RPAP1: variants seen among roughly 807,000 people sequenced by gnomAD.
The protein encoded by RPAP1 is RNA polymerase II-associated protein 1.
Under a neutral mutation model 142.4 loss-of-function variants are expected in RPAP1, and 109 were observed. The ratio of observed to expected loss-of-function variants is 0.77; its 90% CI spans 0.66 to 0.90. The LOEUF (loss-of-function observed/expected upper bound fraction) is 0.90, where lower values mean the gene tolerates loss of function less well. Ranked by LOEUF, RPAP1 falls within the 40% of genes least tolerant of loss-of-function variation. The probability of loss-of-function intolerance (pLI) is 0.00; values close to 1 mark genes in which losing one functional copy is unlikely to be tolerated. For missense variants in RPAP1, 1,546 were observed against 1,751.7 expected (o/e 0.88, Z 2.10); for synonymous variants, 704 against 738.9 (o/e 0.95, Z 0.77).
In RPAP1 at chr15:41,525,005, G is replaced by A. The variant is rs919593631; in HGVS notation, c.2061C>T (p.Gly687=). The A allele has an allele frequency of 9.9e-6, 16 of 1,613,382 alleles. No homozygotes were observed. Among genetic ancestry groups the A allele is most frequent in the South Asian group, 5.5e-5 (5 of 91,076 alleles). ...LWAVAASYGQ[G]GYLYRELYPV... The stretch of plus-strand genomic sequence containing the variant: ...CCTCTCCTCACCTGTAAAGGTAACC[G>A]CCCTGGCCATAGGAGGCAGCCACAG... The change falls in exon 15 of 25, where the codon GGC becomes GGT. Residue 687 remains glycine, a synonymous_variant. Transcript: ENST00000304330.
chr15:41,517,913 G>T, intron 23 of RPAP1, 56 bp from the exon 24 acceptor site: 1 of 1,612,858 alleles, frequency 6.2e-7, no homozygotes, highest in Non-Finnish European at 8.5e-7. Flanking sequence ...CCCACCACTG[G>T]CCTTGCTTGA....
intron 19 of RPAP1, 86 bp downstream of exon 19, chr15:41,522,679 C>A: frequency 9.5e-7 from 1 of 1,055,422 alleles, no homozygotes. Flanking sequence ...CGTGAGCCAC[C>A]GCGCCCATCC....
rs951688494 is a variant in RPAP1, at chr15:41,544,219, G to C, written c.-77C>G. 5 of 152,190 alleles carry C rather than the reference G, an allele frequency of 3.3e-5. No homozygotes were observed. The highest frequency in any genetic ancestry group is 9.7e-5 in the African/African-American group (4 of 41,390). 9.4% of individuals were successfully genotyped at this position (152,190 alleles called of 1,614,324 possible). A position where few individuals can be genotyped will look rare whatever the true frequency, so the allele number is the denominator to read the frequency against. On this transcript the variant is annotated splice_region_variant and 5_prime_UTR_variant, in exon 1 of 25. Transcript: ENST00000304330. ...CCGTCCCTCCAGCCCCGCCACCTACGTGCTCCAGGCCTGTCTGGGCGCCGC... is the reference window on the plus strand; with the variant it reads ...CCGTCCCTCCAGCCCCGCCACCTACCTGCTCCAGGCCTGTCTGGGCGCCGC...
At position 41,524,981 on chromosome 15, in the gene RPAP1, C is replaced by T. The variant is rs376296171; in HGVS notation, c.2075+10G>A. On this transcript the variant is annotated intron_variant, in intron 15 of 24. Coordinates refer to ENST00000304330, the MANE Select transcript of RPAP1 (RefSeq NM_015540.4). ...TGTCTAGGGGGAGCCTACCCCCTGCCTCTCCTCACCTGTAAAGGTAACCGC... is the reference window on the plus strand; with the variant it reads ...TGTCTAGGGGGAGCCTACCCCCTGCTTCTCCTCACCTGTAAAGGTAACCGC... 3.9e-5 allele frequency: 63 copies of T among 1,612,274 alleles called. No individual in the cohort carries two copies. The highest frequency in any genetic ancestry group is 1.8e-4 in the Middle Eastern group (1 of 5,488).
intron 1 of RPAP1, among the ~76,000 whole-genome samples, chr15:41,538,441 G>A (rs1478397520): frequency 3.9e-5 from 6 of 152,108 alleles, no homozygotes; most frequent in Admixed American, 1.3e-4. Flanking sequence ...AGGCACTCAA[G>A]CTGCAGAATG....
rs761863793 is a variant in RPAP1, at chr15:41,521,020, G to A, written c.3166C>T (p.Arg1056Cys). 11 of 1,601,526 alleles carry A rather than the reference G, an allele frequency of 6.9e-6. No homozygotes were observed. Among genetic ancestry groups the A allele is most frequent in the Admixed American group, 3.4e-5 (2 of 59,250 alleles). ...GAGCAATGAGTCAGGTAGCAGTTGC[G>A]GATGCTGGGGAGGTCCTGGCAGGCC... ...AQACQDLPSI[R>C]NCYLTHCSPA... Residue 1056 changes from arginine to cysteine, a missense_variant, in exon 22 of 25, where the codon CGC becomes TGC. Arg to Cys is a radical substitution (Grantham distance 180). Around this residue, in one of 3 missense-constraint regions of RPAP1, gnomAD observed 1,333 missense variants for 1,486.6 expected, o/e 0.90. Transcript: ENST00000304330.
chr15:41,537,301 C>A (rs1435387411), intron 1 of RPAP1, 100 bp from the exon 2 acceptor site: 1 of 618,758 alleles, frequency 1.6e-6, no homozygotes, highest in African/African-American at 1.8e-5. Context: ...AACATGAACT[C>A]ATTCCTCCTC....
intron 11 of RPAP1, 75 bp from the exon 12 acceptor site, chr15:41,527,680 C>G: frequency 6.7e-7 from 1 of 1,499,464 alleles, no homozygotes; most frequent in Non-Finnish European, 8.9e-7. Context: ...GAGGATGCTC[C>G]CCAATAAAAA....
chr15:41,535,559 T>A lies in RPAP1; in HGVS notation c.494A>T (p.Lys165Met), dbSNP rs2297382. ...CACAACTTCCCCAACTGATGGGCCC[T>A]TGGCTTCAGCTATCCTCCTTGCCGC... ...EIAARRIAEA[K>M]GPSVGEVVPN... The change falls in exon 5 of 25, where the codon AAG becomes ATG. Residue 165 changes from lysine to methionine, a missense_variant. By Grantham distance (95) the Lys-to-Met change is moderately conservative (BLOSUM62 -1). This residue lies in a region of RPAP1 where 1,333 missense variants were observed against 1,486.6 expected (regional missense o/e 0.90). Transcript: ENST00000304330. The A allele has an allele frequency of 0.076, 122,011 of 1,613,690 alleles. 7,943 individuals carry two copies. The highest frequency in any genetic ancestry group is 0.35 in the African/African-American group (26,535 of 74,912).
intron 8 of RPAP1, 120 bp from the exon 9 acceptor site, chr15:41,529,688 T>C: frequency 1.1e-6 from 1 of 894,640 alleles, no homozygotes; most frequent in Non-Finnish European, 1.8e-6. Flanking sequence ...CTACCAGAAA[T>C]GGGGCTTATC....
chr15:41,527,646 C>T (rs377422809), intron 11 of RPAP1, 41 bp from the exon 12 acceptor site: 4 of 1,572,166 alleles, frequency 2.5e-6, no homozygotes, highest in Non-Finnish European at 3.4e-6. Context: ...GCTGAAGGGG[C>T]CAGGAAATGG....
intron 14 of RPAP1, 21 bp from the exon 15 acceptor site, chr15:41,525,169 A>G (rs2274858): frequency 0.53 from 833,237 of 1,586,806 alleles, 220,586 homozygotes; most frequent in African/African-American, 0.68. Context: ...GCACAGTCTG[A>G]GGATCAGGGT....
At chr15:41,526,224 C>T (rs2051788834) in intron 14 of RPAP1, among the ~76,000 whole-genome samples, 1 of 152,222 alleles carries the variant, frequency 6.6e-6, no homozygotes, top group Admixed American at 6.5e-5. Context: ...GTTGTGATTA[C>T]AGGCGTGAGC....
chr15:41,542,779 C>T (rs1338590882), intron 1 of RPAP1, among the ~76,000 whole-genome samples: 1 of 152,144 alleles, frequency 6.6e-6, no homozygotes, highest in Non-Finnish European at 1.5e-5. Context: ...AACAGAGTCT[C>T]ATACATGAAA....
rs889367552 is a variant in RPAP1, at chr15:41,534,807, CT to C, written c.669del (p.Ala224ProfsTer9). 6.2e-7 allele frequency: 1 copy of C among 1,614,130 alleles called. No homozygotes were observed. On this transcript the variant is annotated frameshift_variant, in exon 6 of 25. Transcript: ENST00000304330. LOFTEE classifies it high-confidence loss of function. The part of the protein sequence containing the change: ...KGLRDQEAEQ[E>X]AQTIHEENIA... ...ATGTTCTCTTCATGGATAGTCTGGGCTTCCTGCTCAGCTTCTTGATCCCTGA... is the reference window on the plus strand; with the variant it reads ...ATGTTCTCTTCATGGATAGTCTGGGCTCCTGCTCAGCTTCTTGATCCCTGA...
In RPAP1 at chr15:41,520,462, C is replaced by A. The variant is rs754509381; in HGVS notation, c.3724G>T (p.Val1242Phe). ...VLLPLQRRFS[V>F]TLRLALFGEH... ...CCAAAGAGGGCAAGGCGCAAGGTGACACTGAACCGACGCTGCAGGGGCAGG... is the reference window on the plus strand; with the variant it reads ...CCAAAGAGGGCAAGGCGCAAGGTGAAACTGAACCGACGCTGCAGGGGCAGG... The change falls in exon 22 of 25, where the codon GTC becomes TTC. Residue 1242 changes from valine to phenylalanine, a missense_variant. Val to Phe is a conservative substitution (Grantham distance 50). Around this residue, in one of 3 missense-constraint regions of RPAP1, gnomAD observed 210 missense variants for 248.0 expected, o/e 0.85. Transcript: ENST00000304330. 3 of 1,614,016 alleles carry A rather than the reference C, an allele frequency of 1.9e-6. No individual in the cohort carries two copies. Among genetic ancestry groups the A allele is most frequent in the Non-Finnish European group, 1.7e-6 (2 of 1,180,014 alleles).
At chr15:41,518,368 A>G (rs1170347495) in intron 22 of RPAP1, 186 bp from the exon 23 acceptor site, 2 of 512,828 alleles carry the variant, frequency 3.9e-6, no homozygotes, top group South Asian at 4.2e-5. Context: ...GAAAACTGGG[A>G]ACTGAGAAGC....
intron 6 of RPAP1, among the ~76,000 whole-genome samples, chr15:41,534,342 C>T (rs572465822): frequency 6.0e-5 from 9 of 151,196 alleles, no homozygotes; most frequent in African/African-American, 2.2e-4. Flanking sequence ...CTCTTGAACC[C>T]GGGAGGCGGA....
At position 41,518,153 on chromosome 15, in the gene RPAP1, C is replaced by T. The variant is rs773223089; in HGVS notation, c.3825G>A (p.Val1275=). The change falls in exon 23 of 25, where the codon GTG becomes GTA. Residue 1275 remains valine (V), a synonymous_variant. Transcript: ENST00000304330. ...QLPVSLECYT[V]PPEDNLALLQ... is the part of the protein sequence containing the mutation. ...GGAGGGCCAGGTTGTCTTCAGGAGG[C>T]ACTGTGTAACACTCCAGGGACACAG... The T allele has an allele frequency of 1.3e-6, 2 of 1,579,830 alleles. No individual in the cohort carries two copies. Among genetic ancestry groups the T allele is most frequent in the Admixed American group, 2.1e-5 (1 of 48,778 alleles).
Sources: allele counts gnomAD v4.1 joint callset (sites outside exome capture counted in the v4.1 genomes callset), GRCh38; gene constraint gnomAD v4.1.1; regional missense constraint gnomAD v4.1.1; transcripts MANE v1.5; gene names NCBI Gene and HGNC (gene_info 2026-07-23, HGNC 2026-07-21).